FGFR2: variants seen among roughly 807,000 people sequenced by gnomAD.
FGFR2 encodes BEK fibroblast growth factor receptor.
A neutral mutation model predicts 95.9 loss-of-function variants in FGFR2; 19 were observed. The ratio of observed to expected loss-of-function variants is 0.20; its 90% CI spans 0.14 to 0.29. The LOEUF (loss-of-function observed/expected upper bound fraction) is 0.29. Ranked by LOEUF, FGFR2 falls within the 10% of genes least tolerant of loss-of-function variation. FGFR2 has a pLI of 1.00. For missense variants in FGFR2, 707 were observed against 1,056.9 expected (o/e 0.67, Z 4.59); for synonymous variants, 392 against 393.3 (o/e 1.00, Z 0.04).
rs60584824 is a variant in FGFR2, at chr10:121,556,433, C to CTCTCTCTCTCTCTA, written c.455-4975_455-4974insTAGAGAGAGAGAGA. On this transcript the variant is annotated intron_variant, in intron 4 of 17. Transcript: ENST00000358487. ...TCTCTCTCTCTCTCTCTCTCTCTCT[C>CTCTCTCTCTCTCTA]TGGAACCAAAAAACAGAGAACACGG... Among the ~76,000 whole-genome samples, 429 of 140,692 alleles carry CTCTCTCTCTCTCTA rather than the reference C, an allele frequency of 3.0e-3. 17 individuals are homozygous for CTCTCTCTCTCTCTA. Among genetic ancestry groups the CTCTCTCTCTCTCTA allele is most frequent in the African/African-American group, 0.011 (399 of 37,206 alleles). The allele number at this position is 140,692 out of a possible 152,430, so 92.3% of individuals were successfully genotyped here. A position where few individuals can be genotyped will look rare whatever the true frequency, so the allele number is the denominator to read the frequency against.
chr10:121,556,319 A>T (rs1369795294), intron 4 of FGFR2, among the ~76,000 whole-genome samples: 1 of 152,140 alleles, frequency 6.6e-6, no homozygotes, highest in South Asian at 2.1e-4. Flanking sequence ...AAACTTAGTG[A>T]GAAACCATAG....
rs2133771717 is a variant in FGFR2, at chr10:121,483,799, T to A, written c.2200A>T (p.Met734Leu). The A allele has an allele frequency of 6.2e-7, 1 of 1,612,424 alleles. No individual in the cohort carries two copies. Among genetic ancestry groups the A allele is most frequent in the Non-Finnish European group, 8.5e-7 (1 of 1,178,850 alleles). Residue 734 changes from methionine (M) to leucine (L), a missense_variant, in exon 17 of 18, where the codon ATG (methionine) becomes TTG (leucine). Met to Leu is a conservative substitution (Grantham distance 15). Transcript: ENST00000358487. ...KPANCTNELY[M>L]MMRDCWHAVP... Reference sequence around the variant, plus strand: ...GCATGCCAACAGTCCCTCATCATCATGTACCTGGGAAAAATGGATTTCCTT... The same window carrying A: ...GCATGCCAACAGTCCCTCATCATCAAGTACCTGGGAAAAATGGATTTCCTT...
At chr10:121,551,642 T>G (rs1467374519) in intron 4 of FGFR2, among the ~76,000 whole-genome samples, 183 bp from the exon 5 acceptor site, 1 of 151,506 alleles carries the variant, frequency 6.6e-6, no homozygotes, top group Non-Finnish European at 1.5e-5. Context: ...GAGCAGAAGG[T>G]CCCAGAGAGG....
intron 12 of FGFR2, 107 bp from the exon 13 acceptor site, chr10:121,496,829 TTTA>T: frequency 9.2e-7 from 1 of 1,084,690 alleles, no homozygotes; most frequent in South Asian, 1.3e-5. Context: ...TTTTTTTTTT[TTTA>T]AAGTTTAACA....
At chr10:121,526,327 C>G in intron 6 of FGFR2, 1 of 397,262 alleles carries the variant, frequency 2.5e-6, no homozygotes, top group Non-Finnish European at 4.4e-6. Context: ...ACGCACTAAA[C>G]CAGTTAGCAT....
chr10:121,480,843 C>A lies in FGFR2; in HGVS notation c.2302-822G>T, dbSNP rs369489498. On this transcript the variant is annotated intron_variant, in intron 17 of 17. Coordinates refer to ENST00000358487, the MANE Select transcript of FGFR2 (RefSeq NM_000141.5). ...GATCACCCCAGGGTGACACTTCCTC[C>A]GACTTGGGTGCCCACAGACGACTTT... Among the ~76,000 whole-genome samples, 5 of 151,968 alleles carry A rather than the reference C, an allele frequency of 3.3e-5. 1 individual carries two copies. The Middle Eastern group carries it at 0.014, about 416-fold the overall frequency.
At position 121,483,739 on chromosome 10, in the gene FGFR2, C is replaced by T. The variant is rs751731823; in HGVS notation, c.2260G>A (p.Val754Ile). 1.9e-6 allele frequency: 3 copies of T among 1,614,066 alleles called. No homozygotes were observed. Among genetic ancestry groups the T allele is most frequent in the Admixed American group, 3.3e-5 (2 of 60,006 alleles). The change falls in exon 17 of 18, where the codon GTA becomes ATA. Residue 754 changes from valine (V) to isoleucine (I), a missense_variant. Val to Ile is a conservative substitution (Grantham distance 29). Around this residue, in one of 7 missense-constraint regions of FGFR2, gnomAD observed 104 missense variants for 214.2 expected, o/e 0.49. Coordinates refer to ENST00000358487, the MANE Select transcript of FGFR2 (RefSeq NM_000141.5). ...PSQRPTFKQL[V>I]EDLDRILTLT... Reference sequence around the variant, plus strand: ...GTGAGAATTCGATCCAAGTCTTCTACCAACTGCTTGAACGTTGGTCTCTGG... The same window carrying T: ...GTGAGAATTCGATCCAAGTCTTCTATCAACTGCTTGAACGTTGGTCTCTGG...
chr10:121,503,152 C>T (rs565284832), intron 10 of FGFR2, among the ~76,000 whole-genome samples: 79 of 152,214 alleles, frequency 5.2e-4, no homozygotes, highest in Non-Finnish European at 8.4e-4. Flanking sequence ...TGCAGCCCAA[C>T]GGAGCTCCAG....
At chr10:121,560,693 T>C (rs1040569510) in intron 4 of FGFR2, among the ~76,000 whole-genome samples, 4 of 146,314 alleles carry the variant, frequency 2.7e-5, no homozygotes, top group African/African-American at 1.0e-4. Flanking sequence ...ATAACAATAA[T>C]GATAACCTCT....
Position 121,479,643 on chromosome 10 carries a change from C to T in FGFR2, c.*214G>A. On this transcript the variant is annotated 3_prime_UTR_variant, in exon 18 of 18. Transcript: ENST00000358487. ...GGGTTACATGGTGGCTTGTGGCAGT[C>T]CACTGCTCCAGAAACCTTCTTCTCC... 1.3e-6 allele frequency: 2 copies of T among 1,551,790 alleles called. No individual in the cohort carries two copies. Among genetic ancestry groups the T allele is most frequent in the Non-Finnish European group, 1.7e-6 (2 of 1,147,026 alleles).
At chr10:121,555,784 G>C (rs529647260) in intron 4 of FGFR2, among the ~76,000 whole-genome samples, 117 of 152,262 alleles carry the variant, frequency 7.7e-4, no homozygotes, top group African/African-American at 2.8e-3. Flanking sequence ...CACTGTAACA[G>C]TCATTGCACA....
intron 7 of FGFR2, 39 bp downstream of exon 7, chr10:121,519,940 C>T: frequency 6.2e-7 from 1 of 1,604,886 alleles, no homozygotes; most frequent in Non-Finnish European, 8.5e-7. Context: ...ATGAAGGAGA[C>T]CCCAGTTGTG....
chr10:121,536,939 T>C (rs1485833634), intron 6 of FGFR2, among the ~76,000 whole-genome samples: 2 of 152,184 alleles, frequency 1.3e-5, no homozygotes, highest in Admixed American at 6.5e-5. Context: ...TAAATAGAAA[T>C]AGTTTTACGT....
At chr10:121,501,539 C>T (rs918181790) in intron 10 of FGFR2, among the ~76,000 whole-genome samples, 1 of 152,170 alleles carries the variant, frequency 6.6e-6, no homozygotes, top group African/African-American at 2.4e-5. Context: ...TGAAGAAAAT[C>T]CAAAGTGAAC....
intron 11 of FGFR2, among the ~76,000 whole-genome samples, chr10:121,499,429 G>A (rs1168046042): frequency 6.6e-5 from 10 of 152,196 alleles, no homozygotes; most frequent in Non-Finnish European, 1.5e-5. Flanking sequence ...ACAAGTGACT[G>A]TGTGTGCAAA....
At chr10:121,590,305 C>T (rs964145158) in intron 2 of FGFR2, among the ~76,000 whole-genome samples, 2 of 152,114 alleles carry the variant, frequency 1.3e-5, no homozygotes, top group African/African-American at 4.8e-5. Flanking sequence ...CTTAATTAAC[C>T]AGAGTAGGTG....
chr10:121,567,779 T>G (rs1266569781), intron 2 of FGFR2, among the ~76,000 whole-genome samples: 2 of 152,240 alleles, frequency 1.3e-5, no homozygotes, highest in East Asian at 3.9e-4. Context: ...TGCCCATTCC[T>G]TATTGTCTGG....
chr10:121,526,853 G>C (rs900497960), intron 6 of FGFR2: 1 of 398,042 alleles, frequency 2.5e-6, no homozygotes, highest in East Asian at 3.6e-5. Context: ...CCAGGTGTCC[G>C]CATCTTCTGT....
At chr10:121,532,150 T>C (rs1235870973) in intron 6 of FGFR2, among the ~76,000 whole-genome samples, 2 of 152,226 alleles carry the variant, frequency 1.3e-5, no homozygotes, top group Non-Finnish European at 2.9e-5. Flanking sequence ...GTCAGGAGTA[T>C]GGAAAATCAA....
Sources: gnomAD v4.1 joint callset for allele counts (sites outside exome capture counted in the v4.1 genomes callset) on GRCh38, gnomAD v4.1.1 for gene constraint, gnomAD v4.1.1 regional missense constraint, MANE v1.5 for transcripts, NCBI Gene and HGNC (gene_info 2026-07-23, HGNC 2026-07-21) for gene names.